Variants in ESRRG observed in about 807,000 individuals in gnomAD.
ESRRG encodes the protein estrogen-related receptor gamma.
A neutral mutation model predicts 44.0 loss-of-function variants in ESRRG; 13 were observed. The ratio of observed to expected loss-of-function variants is 0.30; its 90% CI spans 0.19 to 0.47. ESRRG has a LOEUF of 0.47. ESRRG is among the 20% of genes least tolerant of loss of function. ESRRG has a pLI of 1.00. For missense variants in ESRRG, 395 were observed against 580.6 expected (o/e 0.68, Z 3.29); for synonymous variants, 215 against 214.6 (o/e 1.00, Z -0.02).
chr1:216,686,591 A>T (rs2078024921), intron 1 of ESRRG, among the ~76,000 whole-genome samples: 1 of 152,106 alleles, frequency 6.6e-6, no homozygotes, highest in Admixed American at 6.6e-5. Flanking sequence ...CATGCAGAGA[A>T]AAATTTCTAA....
At chr1:216,876,221 C>G (rs959562920) in intron 2 of ESRRG, among the ~76,000 whole-genome samples, 1 of 151,984 alleles carries the variant, frequency 6.6e-6, no homozygotes, top group African/African-American at 2.4e-5. Flanking sequence ...ACTGCAAGTG[C>G]TCCAACCTTT....
At chr1:216,789,971 T>C (rs2094262797) in intron 2 of ESRRG, among the ~76,000 whole-genome samples, 3 of 152,106 alleles carry the variant, frequency 2.0e-5, no homozygotes, top group Admixed American at 2.0e-4. Flanking sequence ...CTCCTACCAA[T>C]GAATTATGAG....
intron 2 of ESRRG, among the ~76,000 whole-genome samples, chr1:216,749,443 A>G (rs1469003809): frequency 2.0e-5 from 3 of 152,164 alleles, no homozygotes; most frequent in Non-Finnish European, 4.4e-5. Flanking sequence ...CGCGATAGGG[A>G]ATACGCTGTG....
intron 2 of ESRRG, among the ~76,000 whole-genome samples, chr1:216,912,124 AG>A (rs1252366295): frequency 5.9e-5 from 1 of 16,856 alleles, no homozygotes; most frequent in Admixed American, 8.8e-4. Context: ...AGAAAAGAAA[AG>A]AAAAGAAAAG....
At chr1:217,006,950 G>A (rs542534482) in intron 1 of ESRRG, among the ~76,000 whole-genome samples, 3 of 152,092 alleles carry the variant, frequency 2.0e-5, no homozygotes, top group Non-Finnish European at 2.9e-5. Flanking sequence ...TGCCATCAGC[G>A]ATAAAGGCTA....
chr1:216,861,905 A>G (rs577076675), intron 2 of ESRRG, among the ~76,000 whole-genome samples: 1 of 152,300 alleles, frequency 6.6e-6, no homozygotes, highest in South Asian at 2.1e-4. Context: ...AAACTTCAAC[A>G]AGGAAGATAT....
At chr1:216,793,045 T>C (rs1055944148) in intron 2 of ESRRG, among the ~76,000 whole-genome samples, 1 of 152,210 alleles carries the variant, frequency 6.6e-6, no homozygotes, top group Non-Finnish European at 1.5e-5. Context: ...GACAGGTATC[T>C]GAGGTTCCTG....
rs183432345 is a variant in ESRRG at position 217,099,721 on chromosome 1, G to T, written c.-230+37946C>A. Among the ~76,000 whole-genome samples, 28 of 152,318 alleles carry T rather than the reference G, an allele frequency of 1.8e-4. No homozygotes were observed. The East Asian group carries it at 5.4e-3, about 29-fold the overall frequency. ...TAACGGCAGCCAGACTGTAACACAG[G>T]TGTTAGTTGGATCCTCCCCACAATT... is the stretch of plus-strand genomic sequence containing the variant. On this transcript the variant is annotated intron_variant, in intron 1 of 8. Transcript: ENST00000366940.
chr1:216,607,815 C>A (rs76450607), intron 3 of ESRRG, among the ~76,000 whole-genome samples: 2,338 of 152,168 alleles, frequency 0.015, 37 homozygotes, highest in Non-Finnish European at 0.021. Context: ...CAATTCTTTG[C>A]GTGGCTTTTT....
chr1:217,035,631 A>C (rs556575218), intron 1 of ESRRG, among the ~76,000 whole-genome samples: 4 of 152,126 alleles, frequency 2.6e-5, no homozygotes, highest in African/African-American at 4.8e-5. Flanking sequence ...GTTTTGGTTT[A>C]ATACAAAAGT....
chr1:216,718,253 A>G (rs2085335654), intron 1 of ESRRG, among the ~76,000 whole-genome samples: 1 of 151,830 alleles, frequency 6.6e-6, no homozygotes, highest in Admixed American at 6.6e-5. Flanking sequence ...TTATTATATA[A>G]ATGTACATGA....
At chr1:216,550,654 G>A (rs765565479) in intron 5 of ESRRG, among the ~76,000 whole-genome samples, 4 of 152,022 alleles carry the variant, frequency 2.6e-5, no homozygotes, top group Non-Finnish European at 4.4e-5. Flanking sequence ...AAAAGTCAAC[G>A]GCAGGAGATG....
At chr1:216,968,420 C>T (rs2070901999) in intron 1 of ESRRG, among the ~76,000 whole-genome samples, 1 of 152,084 alleles carries the variant, frequency 6.6e-6, no homozygotes, top group South Asian at 2.1e-4. Context: ...AATGTAAGAT[C>T]TATGTCTAGA....
intron 1 of ESRRG, among the ~76,000 whole-genome samples, chr1:216,721,663 G>T (rs1211169750): frequency 6.6e-6 from 1 of 152,126 alleles, no homozygotes; most frequent in Non-Finnish European, 1.5e-5. Context: ...AGAAGCCTCT[G>T]GGGGATTTTT....
chr1:216,669,669 TG>T (rs2074745445), intron 2 of ESRRG, among the ~76,000 whole-genome samples: 1 of 152,180 alleles, frequency 6.6e-6, no homozygotes, highest in Non-Finnish European at 1.5e-5. Flanking sequence ...GCAGATCACT[TG>T]AGGTCGGAAG....
At chr1:216,681,915 C>T (rs2077100221) in intron 1 of ESRRG, 2 of 152,212 alleles carry the variant, frequency 1.3e-5, no homozygotes, top group Middle Eastern at 3.4e-3. Context: ...AATGTGTGAT[C>T]GTGAATGAAC....
At chr1:217,076,729 C>T (rs137906230) in intron 1 of ESRRG, 4 of 152,120 alleles carry the variant, frequency 2.6e-5, no homozygotes, top group South Asian at 2.1e-4. Flanking sequence ...AGCTAAGGAA[C>T]GAAATGACCT....
intron 1 of ESRRG, among the ~76,000 whole-genome samples, chr1:217,002,993 C>T (rs749834320): frequency 6.2e-4 from 95 of 152,292 alleles, no homozygotes; most frequent in Non-Finnish European, 1.0e-3. Flanking sequence ...GCTTTTGTTA[C>T]TCAAGCGCAG....
At chr1:216,804,550 T>TCACA (rs1319167213) in intron 2 of ESRRG, among the ~76,000 whole-genome samples, 1 of 152,146 alleles carries the variant, frequency 6.6e-6, no homozygotes, top group African/African-American at 2.4e-5. Flanking sequence ...CACTCTTAAA[T>TCACA]CACAAATCCT....
Sources: gnomAD v4.1 joint callset for allele counts (sites outside exome capture counted in the v4.1 genomes callset) on GRCh38, gnomAD v4.1.1 for gene constraint, MANE v1.5 for transcripts, NCBI Gene and HGNC (gene_info 2026-07-23, HGNC 2026-07-21) for gene names.